The following XDH variants were observed in gnomAD, a reference collection of about 807,000 sequenced individuals.
XDH encodes the protein xanthine dehydrogenase.
XDH carries 138 observed loss-of-function variants against 156.1 expected under a neutral mutation model. That is an observed-to-expected ratio of 0.88 (90% CI 0.77 to 1.02). XDH has a LOEUF of 1.02. Among genes scored for constraint, XDH ranks in the 50% least tolerant of loss-of-function variants. The pLI, the probability that XDH is intolerant of heterozygous loss-of-function variation, is 0.00. For missense variants in XDH, 1,849 were observed against 1,684.9 expected, an observed-to-expected ratio of 1.10 and a Z score of -1.71; for synonymous variants, 669 against 625.7, an observed-to-expected ratio of 1.07 and a Z score of -1.03.
chr2:31,367,110 G>A, intron 20 of XDH, 116 bp from the exon 21 acceptor site: 2 of 1,548,092 alleles, frequency 1.3e-6, no homozygotes, highest in South Asian at 1.1e-5. Context: ...GGCTACCTGA[G>A]GGGTAACCTC....
rs565769679 is a variant in XDH at position 31,404,275 on chromosome 2, C to T, written c.101-1131G>A. On this transcript the variant is annotated intron_variant, in intron 2 of 35. Coordinates refer to ENST00000379416, the MANE Select transcript of XDH (RefSeq NM_000379.4). Reference sequence around the variant, plus strand: ...TCCTAGTCAGGATATATGCAGCTCTCAGCAGGTCAAACAACTTTGGGGGCA... The same window carrying T: ...TCCTAGTCAGGATATATGCAGCTCTTAGCAGGTCAAACAACTTTGGGGGCA... Among the ~76,000 whole-genome samples the T allele has an allele frequency of 7.9e-5, 12 of 152,276 alleles. No homozygotes were observed. In the East Asian group the frequency reaches 1.4e-3, roughly 17 times the overall value.
intron 31 of XDH, among the ~76,000 whole-genome samples, chr2:31,342,605 G>A (rs1685157717): frequency 6.6e-6 from 1 of 152,112 alleles, no homozygotes; most frequent in Non-Finnish European, 1.5e-5. Flanking sequence ...ATCCATCTGG[G>A]CTCACGAAGG....
Position 31,377,105 on chromosome 2 carries a change from T to C in XDH, c.1375A>G (p.Met459Val), listed in dbSNP as rs772821328. 17 of 1,614,028 alleles carry C rather than the reference T, an allele frequency of 1.1e-5. No homozygotes were observed. Among genetic ancestry groups the C allele is most frequent in the Non-Finnish European group, 1.4e-5 (16 of 1,180,022 alleles). ...AGGGCTGAGATGGTTCTGTTGGCCA[T>C]TCCACCATAGCAAAGGGCCAGCTCC... ...VQELALCYGG[M>V]ANRTISALKT... is the part of the protein sequence containing the mutation. Residue 459 changes from methionine to valine, a missense_variant, in exon 14 of 36, where the codon ATG (methionine) becomes GTG (valine). Coordinates refer to ENST00000379416, the MANE Select transcript of XDH (RefSeq NM_000379.4).
rs781220902 is a variant in XDH, at chr2:31,398,649, G to A, written c.357C>T (p.Gly119=). ...HGSQCGFCTP[G]IVMSMYTLLR... ...GCAGTGTGTACATACTCATGACGAT[G>A]CCAGGGGTGCAGAACCCGCACTGGG... Residue 119 remains glycine (G), a synonymous_variant, in exon 5 of 36, where the codon GGC becomes GGT. Transcript: ENST00000379416. 1 of 1,614,132 alleles carries A rather than the reference G, an allele frequency of 6.2e-7. No homozygotes were observed. Among genetic ancestry groups the A allele is most frequent in the South Asian group, 1.1e-5 (1 of 91,082 alleles).
In XDH at chr2:31,375,484, C is replaced by T; in HGVS notation, c.1498G>A (p.Ala500Thr). 2.5e-6 allele frequency: 4 copies of T among 1,614,194 alleles called. No individual in the cohort carries two copies. The highest frequency in any genetic ancestry group is 1.7e-4 in the Middle Eastern group (1 of 6,060). ...LAEELHLPPDAPGGMVDFRCT... is the reference protein window; with the variant it reads ...LAEELHLPPDTPGGMVDFRCT... Reference sequence around the variant, plus strand: ...CGGAAGTCCACCATGCCACCAGGGGCATCGGGAGGCAGATGCAGCTCCTCT... The same window carrying T: ...CGGAAGTCCACCATGCCACCAGGGGTATCGGGAGGCAGATGCAGCTCCTCT... The change falls in exon 15 of 36, where the codon GCC becomes ACC. Residue 500 changes from alanine (A) to threonine (T), a missense_variant. Physicochemically the swap from Ala to Thr is moderately conservative, Grantham distance 58 (BLOSUM62 0). Transcript: ENST00000379416.
intron 24 of XDH, among the ~76,000 whole-genome samples, chr2:31,358,849 T>G (rs948889908): frequency 8.5e-5 from 13 of 152,198 alleles, no homozygotes; most frequent in Admixed American, 3.9e-4. Flanking sequence ...GTCTTCCCCT[T>G]AAGAATAAAA....
intron 24 of XDH, among the ~76,000 whole-genome samples, chr2:31,358,598 G>A (rs1251216584): frequency 2.0e-5 from 3 of 152,086 alleles, no homozygotes; most frequent in African/African-American, 7.2e-5. Context: ...GGTTGGTTCA[G>A]TGTTTAAAAA....
intron 13 of XDH, among the ~76,000 whole-genome samples, chr2:31,379,336 G>A (rs867692321): frequency 3.7e-4 from 57 of 152,202 alleles, no homozygotes; most frequent in South Asian, 6.2e-4. Context: ...TAAGGTCAGC[G>A]TATGAGGGTC....
intron 9 of XDH, among the ~76,000 whole-genome samples, chr2:31,385,623 C>A (rs868120478): frequency 6.6e-5 from 10 of 152,328 alleles, no homozygotes; most frequent in Middle Eastern, 3.4e-3. Flanking sequence ...TAGAAATAGG[C>A]CATGCCAGGT....
chr2:31,368,624 CA>C lies in XDH; in HGVS notation c.2016del (p.Ala673LeufsTer14), dbSNP rs1355782403. 1.2e-6 allele frequency: 2 copies of C among 1,614,074 alleles called. No individual in the cohort carries two copies. The highest frequency in any genetic ancestry group is 3.3e-5 in the Admixed American group (2 of 60,006). ...TCVGHIIGAV[V>X]ADTPEHTQRA... ...CTCTGTGTGTGTTCCGGGGTGTCAG[CA>C]ACCACAGCACCAATGATATGCCCAA... is the stretch of plus-strand genomic sequence containing the variant. On this transcript the variant is annotated frameshift_variant, in exon 19 of 36. Coordinates refer to ENST00000379416, the MANE Select transcript of XDH (RefSeq NM_000379.4). LOFTEE classifies it high-confidence loss of function.
chr2:31,377,370 G>T, intron 13 of XDH, 133 bp from the exon 14 acceptor site: 2 of 919,508 alleles, frequency 2.2e-6, no homozygotes, highest in Non-Finnish European at 3.5e-6. Context: ...AACTGGCCCC[G>T]GGAATCAAAG....
intron 30 of XDH, among the ~76,000 whole-genome samples, chr2:31,345,743 A>T (rs1685269369): frequency 6.6e-6 from 1 of 152,064 alleles, no homozygotes; most frequent in Non-Finnish European, 1.5e-5. Flanking sequence ...GCGCATGTGT[A>T]TGTATGTGTT....
intron 8 of XDH, 23 bp from the exon 9 acceptor site, chr2:31,386,578 T>C (rs1306918188): frequency 1.9e-6 from 3 of 1,614,086 alleles, no homozygotes; most frequent in Non-Finnish European, 8.5e-7. Context: ...GTTTTCTTAC[T>C]ACACTGTCTC....
At chr2:31,411,494 A>G (rs1274138035) in intron 1 of XDH, among the ~76,000 whole-genome samples, 1 of 152,142 alleles carries the variant, frequency 6.6e-6, no homozygotes, top group Admixed American at 6.5e-5. Flanking sequence ...AGAGAGAATA[A>G]TAAAGCAAAT....
chr2:31,348,304 A>T lies in XDH; in HGVS notation c.3111T>A (p.Thr1037=), dbSNP rs749908877. The change falls in exon 28 of 36, where the codon ACT becomes ACA. Residue 1037 remains threonine (T), a synonymous_variant. Coordinates refer to ENST00000379416, the MANE Select transcript of XDH (RefSeq NM_000379.4). ...DGSVLLTHGG[T]EMGQGLHTKM... ...TGGTATGAAGGCCTTGGCCCATCTCAGTCCCCCCGTGGGTCAGCAGCACAG... is the reference window on the plus strand; with the variant it reads ...TGGTATGAAGGCCTTGGCCCATCTCTGTCCCCCCGTGGGTCAGCAGCACAG... 2.5e-6 allele frequency: 4 copies of T among 1,614,094 alleles called. No homozygotes were observed. The African/African-American group carries it at 5.3e-5, about 22-fold the overall frequency.
chr2:31,381,543 T>G, intron 12 of XDH, 90 bp downstream of exon 12: 1 of 1,341,484 alleles, frequency 7.5e-7, no homozygotes, highest in Non-Finnish European at 1.1e-6. Context: ...TCACTGAACT[T>G]TGAGCTCTGT....
At chr2:31,384,678 C>G (rs1037796761) in intron 9 of XDH, among the ~76,000 whole-genome samples, 2 of 152,210 alleles carry the variant, frequency 1.3e-5, no homozygotes, top group African/African-American at 4.8e-5. Flanking sequence ...TCTTTGCCCC[C>G]CCTTCCCCCC....
At chr2:31,365,694 G>T in intron 22 of XDH, 150 bp from the exon 23 acceptor site, 3 of 1,026,328 alleles carry the variant, frequency 2.9e-6, no homozygotes, top group Non-Finnish European at 4.5e-6. Context: ...TAGGCACTGT[G>T]ATAGACAAGG....
chr2:31,357,446 C>G (rs957206968), intron 24 of XDH, among the ~76,000 whole-genome samples: 1 of 152,114 alleles, frequency 6.6e-6, no homozygotes, highest in African/African-American at 2.4e-5. Context: ...GAAATAAGAA[C>G]ACACTATGAA....
Sources: gnomAD v4.1 joint callset for allele counts (sites outside exome capture counted in the v4.1 genomes callset) on GRCh38, gnomAD v4.1.1 for gene constraint, MANE v1.5 for transcripts, NCBI Gene and HGNC (gene_info 2026-07-23, HGNC 2026-07-21) for gene names.